MARK1: variants seen among roughly 807,000 people sequenced by gnomAD.
MARK1 encodes the protein serine/threonine-protein kinase MARK1.
In MARK1, 40 loss-of-function variants were observed where a neutral mutation model predicts 96.3. The observed-to-expected ratio is 0.42, with a 90% CI of 0.32 to 0.54. The LOEUF (loss-of-function observed/expected upper bound fraction) is 0.54. Among genes scored for constraint, MARK1 ranks in the 20% least tolerant of loss-of-function variants. The pLI, the probability that MARK1 is intolerant of heterozygous loss-of-function variation, is 0.16. For missense variants in MARK1, 719 were observed against 984.6 expected (o/e 0.73, Z 3.61); for synonymous variants, 317 against 341.2 (o/e 0.93, Z 0.78).
chr1:220,660,586 A>T (rs1364451906), intron 17 of MARK1, among the ~76,000 whole-genome samples: 1 of 152,158 alleles, frequency 6.6e-6, no homozygotes, highest in African/African-American at 2.4e-5. Context: ...AACAAGTTGC[A>T]ATTATAACAT....
chr1:220,571,202 A>AT (rs1663427165), intron 1 of MARK1, among the ~76,000 whole-genome samples: 1 of 152,230 alleles, frequency 6.6e-6, no homozygotes, highest in Non-Finnish European at 1.5e-5. Flanking sequence ...ACAATAGAAG[A>AT]TAACATATTT....
chr1:220,559,704 A>G (rs1400200164), intron 1 of MARK1, among the ~76,000 whole-genome samples: 2 of 152,214 alleles, frequency 1.3e-5, no homozygotes, highest in African/African-American at 2.4e-5. Context: ...GAGATTTCAC[A>G]TAGGCAGAGA....
chr1:220,639,384 A>G (rs1668146299), intron 13 of MARK1, among the ~76,000 whole-genome samples: 1 of 152,200 alleles, frequency 6.6e-6, no homozygotes, highest in Non-Finnish European at 1.5e-5. Context: ...TATTTCACTT[A>G]TAATAGTTTG....
intron 17 of MARK1, among the ~76,000 whole-genome samples, chr1:220,660,856 T>C (rs1669439400): frequency 6.6e-6 from 1 of 152,204 alleles, no homozygotes; most frequent in South Asian, 2.1e-4. Flanking sequence ...TAGACAAAAT[T>C]CCTTGCCCTC....
At chr1:220,641,686 G>A (rs1032827534) in intron 13 of MARK1, among the ~76,000 whole-genome samples, 1 of 151,248 alleles carries the variant, frequency 6.6e-6, no homozygotes, top group Non-Finnish European at 1.5e-5. Flanking sequence ...CGCAAAAGGC[G>A]AGTGATTTCT....
chr1:220,646,779 CTT>C (rs952392875), intron 13 of MARK1, among the ~76,000 whole-genome samples: 4 of 152,138 alleles, frequency 2.6e-5, no homozygotes, highest in Admixed American at 1.3e-4. Flanking sequence ...CTTCAACAAA[CTT>C]TACAAAAACA....
At chr1:220,596,394 T>C (rs1665353114) in intron 3 of MARK1, among the ~76,000 whole-genome samples, 1 of 152,214 alleles carries the variant, frequency 6.6e-6, no homozygotes, top group East Asian at 1.9e-4. Context: ...AAATTTGAAA[T>C]GAAAATGTGT....
At chr1:220,625,852 C>A (rs1175147353) in intron 9 of MARK1, 1 of 468,886 alleles carries the variant, frequency 2.1e-6, no homozygotes, top group Non-Finnish European at 4.3e-6. Context: ...ATCTACTACT[C>A]ACAATTTGCT....
rs529661184 is a variant in MARK1, at chr1:220,618,828, T to C, written c.909+73T>C. 2 of 1,330,224 alleles carry C rather than the reference T, an allele frequency of 1.5e-6. No homozygotes were observed. The highest frequency in any genetic ancestry group is 3.0e-5 in the South Asian group (2 of 67,110). 82.4% of individuals were successfully genotyped at this position (1,330,224 alleles called of 1,614,324 possible). ...TTCCAGGAACCGAAGAGCATTTTTC[T>C]CCTATGTTTTCTTAGGAAAATTGCC... is the stretch of plus-strand genomic sequence containing the variant. On this transcript the variant is annotated intron_variant, in intron 9 of 17. Coordinates refer to ENST00000366917, the MANE Select transcript of MARK1 (RefSeq NM_018650.5). The surrounding 1 kb of genome is among the most constrained non-coding windows in gnomAD (Gnocchi z 4.6).
intron 17 of MARK1, among the ~76,000 whole-genome samples, chr1:220,658,659 A>G (rs529166756): frequency 2.0e-5 from 3 of 152,376 alleles, no homozygotes; most frequent in Admixed American, 1.3e-4. Context: ...CTCTGGCTTC[A>G]TTCAGGAACG....
chr1:220,585,599 C>A (rs928157874), intron 3 of MARK1, among the ~76,000 whole-genome samples: 1 of 152,088 alleles, frequency 6.6e-6, no homozygotes, highest in African/African-American at 2.4e-5. Flanking sequence ...AAAATATCTT[C>A]CAGAGCAAGC....
At chr1:220,564,287 G>A (rs181406670) in intron 1 of MARK1, among the ~76,000 whole-genome samples, 8 of 152,192 alleles carry the variant, frequency 5.3e-5, no homozygotes, top group Admixed American at 1.3e-4. Flanking sequence ...ATGAGTATGA[G>A]GTACTGCACT....
intron 11 of MARK1, among the ~76,000 whole-genome samples, chr1:220,634,472 A>C (rs1484551795): frequency 1.3e-5 from 2 of 152,180 alleles, no homozygotes; most frequent in Non-Finnish European, 2.9e-5. Context: ...CTTATCTATA[A>C]AATGAGGGCA....
At chr1:220,545,023 A>G (rs964490866) in intron 1 of MARK1, among the ~76,000 whole-genome samples, 1 of 152,358 alleles carries the variant, frequency 6.6e-6, no homozygotes, top group East Asian at 1.9e-4. Context: ...CTTGTCATCC[A>G]GCTGATTAGA....
intron 9 of MARK1, among the ~76,000 whole-genome samples, chr1:220,620,368 A>C (rs1397159660): frequency 6.6e-6 from 1 of 152,202 alleles, no homozygotes; most frequent in Non-Finnish European, 1.5e-5. Context: ...ATCAGTTCTA[A>C]AATAATGAAC....
chr1:220,553,638 A>G (rs1471031590), intron 1 of MARK1, among the ~76,000 whole-genome samples: 1 of 152,232 alleles, frequency 6.6e-6, no homozygotes, highest in Non-Finnish European at 1.5e-5. Flanking sequence ...GACAACACCC[A>G]GCTCATAATG....
chr1:220,639,713 TA>T (rs1668165302), intron 13 of MARK1, among the ~76,000 whole-genome samples: 1 of 152,186 alleles, frequency 6.6e-6, no homozygotes, highest in Non-Finnish European at 1.5e-5. Context: ...TCACCTCACC[TA>T]AAACCTCAGC....
At position 220,653,004 on chromosome 1, in the gene MARK1, AAAG is replaced by A. The variant is rs1668965913; in HGVS notation, c.1737-93_1737-91del. 2.9e-6 allele frequency: 4 copies of A among 1,400,630 alleles called. No homozygotes were observed. In the African/African-American group the frequency reaches 4.3e-5, roughly 15 times the overall value. The allele number at this position is 1,400,630 out of a possible 1,614,324, so 86.8% of individuals were successfully genotyped here. On this transcript the variant is annotated intron_variant, in intron 15 of 17. Transcript: ENST00000366917. The stretch of plus-strand genomic sequence containing the variant: ...AATGTGAACAAATAAAGTAGGGCCA[AAAG>A]AAGTAGCCATAGCTATTTGTTTCAA...
chr1:220,616,091 G>C (rs934957015), intron 7 of MARK1, 96 bp downstream of exon 7: 9 of 602,282 alleles, frequency 1.5e-5, no homozygotes, highest in Non-Finnish European at 2.5e-5. Context: ...TTGCCTAACT[G>C]TGCTGCTGGA....
Sources: gnomAD v4.1 joint callset for allele counts (sites outside exome capture counted in the v4.1 genomes callset) on GRCh38, gnomAD v4.1.1 for gene constraint, Gnocchi (gnomAD v3.1) non-coding constraint, MANE v1.5 for transcripts, NCBI Gene and HGNC (gene_info 2026-07-23, HGNC 2026-07-21) for gene names.